PIK3R5: variants seen among roughly 807,000 people sequenced by gnomAD.
PIK3R5 encodes phosphoinositide-3-kinase regulatory subunit 5.
Under a neutral mutation model 94.9 loss-of-function variants are expected in PIK3R5, and 32 were observed. The ratio of observed to expected loss-of-function variants is 0.34; its 90% CI spans 0.25 to 0.45. The LOEUF is 0.45. Among genes scored for constraint, PIK3R5 ranks in the 20% least tolerant of loss-of-function variants. The pLI is 1.00. For synonymous variants in PIK3R5, 443 were observed against 479.4 expected (o/e 0.92, Z 0.99); for missense variants, 853 against 1,144.6 (o/e 0.75, Z 3.68).
At position 8,925,923 on chromosome 17, in the gene PIK3R5, G is replaced by C. The variant is rs943101369; in HGVS notation, c.-13-14416C>G. Among the ~76,000 whole-genome samples the C allele has an allele frequency of 6.6e-6, 1 of 152,224 alleles. No homozygotes were observed. The highest frequency in any genetic ancestry group is 1.5e-5 in the Non-Finnish European group (1 of 68,038). ...GTTCTATCCCCTTCAGACCCCAATG[G>C]AGAGGTCTGGGCTACAGCTCTCTAT... On this transcript the variant is annotated intron_variant, in intron 1 of 18. Transcript: ENST00000447110. The surrounding 1 kb of genome is among the most constrained non-coding windows in gnomAD (Gnocchi z 5.1).
chr17:8,917,592 A>AT (rs1471685053), intron 1 of PIK3R5, among the ~76,000 whole-genome samples: 4 of 152,218 alleles, frequency 2.6e-5, no homozygotes, highest in Non-Finnish European at 5.9e-5. Flanking sequence ...GGGGCCGGGC[A>AT]TGGTGACTCA....
intron 14 of PIK3R5, among the ~76,000 whole-genome samples, chr17:8,885,491 C>A (rs1385260476): frequency 6.5e-5 from 9 of 137,852 alleles, no homozygotes; most frequent in Admixed American, 6.2e-4. Context: ...ACCCCGCCTC[C>A]CCAGGGCCCC....
chr17:8,942,772 A>AT (rs1272403737), intron 1 of PIK3R5, among the ~76,000 whole-genome samples: 8 of 151,772 alleles, frequency 5.3e-5, no homozygotes, highest in Non-Finnish European at 1.2e-4. Flanking sequence ...CGCCCGGCTA[A>AT]TTTTTTGTAT....
chr17:8,930,573 G>A (rs1443360099), intron 1 of PIK3R5, among the ~76,000 whole-genome samples: 3 of 152,162 alleles, frequency 2.0e-5, no homozygotes, highest in East Asian at 1.9e-4. Flanking sequence ...GTACATGAAT[G>A]TTTATAACAG....
At chr17:8,952,443 A>C (rs73254507) in intron 1 of PIK3R5, among the ~76,000 whole-genome samples, 4,805 of 152,290 alleles carry the variant, frequency 0.032, 244 homozygotes, top group African/African-American at 0.11. Context: ...GAGACACCTC[A>C]TAAAAGGTGA....
chr17:8,941,639 C>T (rs528982701), intron 1 of PIK3R5, among the ~76,000 whole-genome samples: 3 of 152,370 alleles, frequency 2.0e-5, no homozygotes, highest in African/African-American at 4.8e-5. Flanking sequence ...GCCTGTGCTT[C>T]GAGAGCGGCC....
Position 8,896,561 on chromosome 17 carries a change from T to C in PIK3R5, c.413-2906A>G, listed in dbSNP as rs1379155652. Among the ~76,000 whole-genome samples the C allele has an allele frequency of 1.3e-5, 2 of 152,316 alleles. No homozygotes were observed. Among genetic ancestry groups the C allele is most frequent in the South Asian group, 2.1e-4 (1 of 4,826 alleles). ...GGGGTGAGTGGGCAGAACACACTCA[T>C]AGTGAAGTTCAAACTCCTGGCCCAG... is the stretch of plus-strand genomic sequence containing the variant. On this transcript the variant is annotated intron_variant, in intron 5 of 18. Coordinates refer to ENST00000447110, the MANE Select transcript of PIK3R5 (RefSeq NM_001142633.3). The surrounding 1 kb of genome is among the most constrained non-coding windows in gnomAD (Gnocchi z 4.0).
rs897094487 is a variant in PIK3R5, at chr17:8,911,482, C to A, written c.13G>T (p.Ala5Ser). 1 of 1,599,288 alleles carries A rather than the reference C, an allele frequency of 6.3e-7. No homozygotes were observed. Among genetic ancestry groups the A allele is most frequent in the Non-Finnish European group, 8.5e-7 (1 of 1,179,612 alleles). Residue 5 changes from alanine to serine, a missense_variant, in exon 2 of 19, where the codon GCC becomes TCC. This residue lies in a region of PIK3R5 where 108 missense variants were observed against 170.1 expected (regional missense o/e 0.63). Transcript: ENST00000447110. The surrounding 1 kb of genome is among the most constrained non-coding windows in gnomAD (Gnocchi z 5.3). ...ATGCGGTCCTCCGTGCATGTCGTGG[C>A]CCCTGGCTGCATCCTGGGTCATCGC... MQPG[A>S]TTCTEDRIQH...
At position 8,911,888 on chromosome 17, in the gene PIK3R5, G is replaced by T. The variant is rs1182169873; in HGVS notation, c.-13-381C>A. 6.2e-6 allele frequency: 1 copy of T among 160,230 alleles called. No individual in the cohort carries two copies. Among genetic ancestry groups the T allele is most frequent in the Non-Finnish European group, 1.4e-5 (1 of 73,192 alleles). The allele number at this position is 160,230 out of a possible 1,614,324, so 9.9% of individuals were successfully genotyped here. A position where few individuals can be genotyped will look rare whatever the true frequency, so the allele number is the denominator to read the frequency against. ...AGGGGAAAATCAGAATCACTCGGAG[G>T]ACTTTTTCTGAATTTCCAGGCTGTG... On this transcript the variant is annotated intron_variant, in intron 1 of 18. Transcript: ENST00000447110. This position sits in a 1 kb window ranked among gnomAD's most constrained non-coding sequence, Gnocchi z 5.3.
At chr17:8,883,712 C>T (rs1452696014) in intron 15 of PIK3R5, among the ~76,000 whole-genome samples, 1 of 152,194 alleles carries the variant, frequency 6.6e-6, no homozygotes, top group African/African-American at 2.4e-5. Context: ...ATCCCGTGTC[C>T]CTCTCCTCAT....
intron 1 of PIK3R5, among the ~76,000 whole-genome samples, chr17:8,930,750 T>G (rs2090973521): frequency 6.6e-6 from 1 of 152,246 alleles, no homozygotes; most frequent in African/African-American, 2.4e-5. Context: ...AAAATTATGC[T>G]GAATAAAAAC....
At chr17:8,905,578 T>C (rs2090376307) in intron 4 of PIK3R5, 91 bp downstream of exon 4, 2 of 856,368 alleles carry the variant, frequency 2.3e-6, no homozygotes, top group Non-Finnish European at 3.6e-6. Flanking sequence ...TCTCTCTGCT[T>C]ATCTCCAGAG....
rs1434057497 is a variant in PIK3R5 at position 8,925,467 on chromosome 17, T to TA, written c.-13-13961_-13-13960insT. The stretch of plus-strand genomic sequence containing the variant: ...AGTAGATGGATAGATAGTAGATGGA[T>TA]GATAGATAGATAGTAGATGGATAGA... On this transcript the variant is annotated intron_variant, in intron 1 of 18. Coordinates refer to ENST00000447110, the MANE Select transcript of PIK3R5 (RefSeq NM_001142633.3). The surrounding 1 kb of genome is among the most constrained non-coding windows in gnomAD (Gnocchi z 5.1). Among the ~76,000 whole-genome samples the TA allele has an allele frequency of 7.9e-6, 1 of 126,736 alleles. No homozygotes were observed. The highest frequency in any genetic ancestry group is 1.8e-5 in the Non-Finnish European group (1 of 55,592). 83.1% of individuals were successfully genotyped at this position (126,736 alleles called of 152,430 possible). A position where few individuals can be genotyped will look rare whatever the true frequency, so the allele number is the denominator to read the frequency against.
intron 1 of PIK3R5, among the ~76,000 whole-genome samples, chr17:8,957,907 C>T (rs1051965932): frequency 1.3e-5 from 2 of 152,122 alleles, no homozygotes; most frequent in African/African-American, 2.4e-5. Context: ...TGTCACAGGG[C>T]GTGGGAGAAG....
chr17:8,924,379 C>T (rs570994725), intron 1 of PIK3R5, among the ~76,000 whole-genome samples: 1 of 151,998 alleles, frequency 6.6e-6, no homozygotes, highest in African/African-American at 2.4e-5. Context: ...TGCAGCCTGA[C>T]ACAGGCTGCT....
In PIK3R5 at chr17:8,881,924, C is replaced by T. The variant is rs546597354; in HGVS notation, c.2206-43G>A. ...CCAGACCCTCTGAGTCCAGAGGCCCCGGTGCCTGCTGCCTTCTCTTTGAAG... is the reference window on the plus strand; with the variant it reads ...CCAGACCCTCTGAGTCCAGAGGCCCTGGTGCCTGCTGCCTTCTCTTTGAAG... On this transcript the variant is annotated intron_variant, in intron 15 of 18. Coordinates refer to ENST00000447110, the MANE Select transcript of PIK3R5 (RefSeq NM_001142633.3). The surrounding 1 kb of genome is among the most constrained non-coding windows in gnomAD (Gnocchi z 4.8). 76 of 1,459,088 alleles carry T rather than the reference C, an allele frequency of 5.2e-5. No individual in the cohort carries two copies. Among genetic ancestry groups the T allele is most frequent in the Admixed American group, 1.8e-4 (10 of 55,750 alleles). The allele number at this position is 1,459,088 out of a possible 1,614,324, so 90.4% of individuals were successfully genotyped here.
Position 8,888,345 on chromosome 17 carries a change from T to C in PIK3R5, c.1442A>G (p.Gln481Arg), listed in dbSNP as rs752338240. 1.1e-5 allele frequency: 17 copies of C among 1,611,486 alleles called. No individual in the cohort carries two copies. Among genetic ancestry groups the C allele is most frequent in the Non-Finnish European group, 1.4e-5 (17 of 1,179,490 alleles). Residue 481 changes from glutamine to arginine, a missense_variant, in exon 10 of 19, where the codon CAG (glutamine) becomes CGG (arginine). Physicochemically the swap from Gln to Arg is conservative, Grantham distance 43 (BLOSUM62 1). Transcript: ENST00000447110. The surrounding 1 kb of genome is among the most constrained non-coding windows in gnomAD (Gnocchi z 7.8). ...SRAQRSRSLP[Q>R]PKLGTQLPSW... The stretch of plus-strand genomic sequence containing the variant: ...GGGCAGCTGGGTACCGAGTTTGGGC[T>C]GGGGCAGGGAGCGGGAGCGCTGGGC...
rs1171278419 is a variant in PIK3R5, at chr17:8,881,407, C to G, written c.2382+223G>C. 6.6e-6 allele frequency among the ~76,000 whole-genome samples: 1 copy of G among 152,080 alleles called. No homozygotes were observed. Among genetic ancestry groups the G allele is most frequent in the African/African-American group, 2.4e-5 (1 of 41,398 alleles). On this transcript the variant is annotated intron_variant, in intron 17 of 18. Coordinates refer to ENST00000447110, the MANE Select transcript of PIK3R5 (RefSeq NM_001142633.3). The surrounding 1 kb of genome is among the most constrained non-coding windows in gnomAD (Gnocchi z 4.8). ...GGGCACCCCTACCTCCCCGACACCC[C>G]GCAACACTCCACACCTGTGTGCATC...
intron 2 of PIK3R5, among the ~76,000 whole-genome samples, chr17:8,910,642 G>A (rs2090504170): frequency 6.6e-6 from 1 of 152,184 alleles, no homozygotes; most frequent in African/African-American, 2.4e-5. Context: ...CATTCCAAAG[G>A]CCAAGGACAG....
Sources: gnomAD v4.1 joint callset for allele counts (sites outside exome capture counted in the v4.1 genomes callset) on GRCh38, gnomAD v4.1.1 for gene constraint, gnomAD v4.1.1 regional missense constraint, Gnocchi (gnomAD v3.1) non-coding constraint, MANE v1.5 for transcripts, NCBI Gene and HGNC (gene_info 2026-07-23, HGNC 2026-07-21) for gene names.